WWC2: variants seen among roughly 807,000 people sequenced by gnomAD.
WWC2 encodes protein WWC2.
In WWC2, 101 loss-of-function variants were observed where a neutral mutation model predicts 138.5. That is an observed-to-expected ratio of 0.73 (90% CI 0.62 to 0.86). The LOEUF is 0.86. Among genes scored for constraint, WWC2 ranks in the 40% least tolerant of loss-of-function variants. WWC2 has a pLI of 0.00. For missense variants in WWC2, 1,420 were observed against 1,419.4 expected, an observed-to-expected ratio of 1.00 and a Z score of -0.01; for synonymous variants, 558 against 538.4, an observed-to-expected ratio of 1.04 and a Z score of -0.50.
intron 4 of WWC2, among the ~76,000 whole-genome samples, chr4:183,211,966 C>A (rs888067832): frequency 6.6e-6 from 1 of 152,006 alleles, no homozygotes; most frequent in Non-Finnish European, 1.5e-5. Context: ...GGACTACAGG[C>A]ACCTGCCACC....
chr4:183,207,152 G>T (rs1020303679), intron 2 of WWC2, among the ~76,000 whole-genome samples: 1 of 151,022 alleles, frequency 6.6e-6, no homozygotes, highest in African/African-American at 2.4e-5. Flanking sequence ...GAAATCTACC[G>T]TGCCTGGGTT....
chr4:183,264,711 T>C (rs1458160933), intron 11 of WWC2, among the ~76,000 whole-genome samples: 1 of 152,180 alleles, frequency 6.6e-6, no homozygotes, highest in African/African-American at 2.4e-5. Context: ...TGAGAATTTG[T>C]GTAATTCATC....
At chr4:183,222,112 TTAGTGGTTGC>T (rs2111266943) in intron 4 of WWC2, among the ~76,000 whole-genome samples, 1 of 152,296 alleles carries the variant, frequency 6.6e-6, no homozygotes, top group African/African-American at 2.4e-5. Context: ...CAGTGAAAGT[TTAGTGGTTGC>T]TAGGGGCCAG....
intron 8 of WWC2, among the ~76,000 whole-genome samples, chr4:183,250,474 G>A (rs755405961): frequency 1.3e-5 from 2 of 152,076 alleles, no homozygotes; most frequent in Non-Finnish European, 2.9e-5. Flanking sequence ...GTCGACTTAG[G>A]TTAGGGAAAA....
chr4:183,245,159 G>C (rs557107894), intron 5 of WWC2, among the ~76,000 whole-genome samples: 21 of 149,310 alleles, frequency 1.4e-4, no homozygotes, highest in Admixed American at 1.0e-3. Context: ...CCCAGGAGGC[G>C]TAGTTTGCAG....
At chr4:183,312,300 A>G (rs1739277195) in intron 21 of WWC2, 41 bp from the exon 22 acceptor site, 2 of 1,603,968 alleles carry the variant, frequency 1.2e-6, no homozygotes. Flanking sequence ...ATTTCTAATC[A>G]GTGTTTTGTG....
rs1280437148 is a variant in WWC2 at position 183,320,213 on chromosome 4, A to C, written c.*4484A>C. 6.2e-7 allele frequency: 1 copy of C among 1,612,732 alleles called. No homozygotes were observed. Among genetic ancestry groups the C allele is most frequent in the Non-Finnish European group, 8.5e-7 (1 of 1,179,390 alleles). On this transcript the variant is annotated 3_prime_UTR_variant, in exon 23 of 23. Transcript: ENST00000403733. ...GTTGAGCTACAGTTCTAAATACTAAAGCCATTATAATGTCCTGAGAGCTTT... is the reference window on the plus strand; with the variant it reads ...GTTGAGCTACAGTTCTAAATACTAACGCCATTATAATGTCCTGAGAGCTTT...
intron 1 of WWC2, among the ~76,000 whole-genome samples, chr4:183,110,432 ATTTT>A (rs545128013): frequency 3.4e-5 from 4 of 117,414 alleles, no homozygotes; most frequent in Admixed American, 1.8e-4. Context: ...CTGTAGAGCT[ATTTT>A]TTTTTTTTTT....
At chr4:183,099,799 C>T (rs2152884860) in intron 1 of WWC2, among the ~76,000 whole-genome samples, 177 bp downstream of exon 1, 1 of 151,994 alleles carries the variant, frequency 6.6e-6, no homozygotes, top group East Asian at 2.0e-4. Flanking sequence ...CGGGCTCCTC[C>T]GCCCACCGGC....
intron 21 of WWC2, among the ~76,000 whole-genome samples, chr4:183,293,357 ATTACT>A (rs900638601): frequency 6.6e-6 from 1 of 152,266 alleles, no homozygotes; most frequent in African/African-American, 2.4e-5. Context: ...TATATAATTC[ATTACT>A]TTAACAGATT....
intron 4 of WWC2, among the ~76,000 whole-genome samples, chr4:183,217,715 A>G (rs1204061960): frequency 6.6e-6 from 1 of 152,182 alleles, no homozygotes; most frequent in Non-Finnish European, 1.5e-5. Context: ...ATAGGAATAG[A>G]AACTACCGAA....
At position 183,271,208 on chromosome 4, in the gene WWC2, A is replaced by G. The variant is rs759983042; in HGVS notation, c.2529A>G (p.Gln843=). 1.5e-4 allele frequency: 237 copies of G among 1,612,658 alleles called. 3 individuals carry two copies. In the Admixed American group the frequency reaches 3.8e-3, roughly 26 times the overall value. The change falls in exon 16 of 23, where the codon CAA becomes CAG. Residue 843 remains glutamine, a synonymous_variant. Transcript: ENST00000403733. ...AAGAAAATGAGGACTCTGTATTTCAACCAAACCAGCCGTTAGTAGATTCTA... is the reference window on the plus strand; with the variant it reads ...AAGAAAATGAGGACTCTGTATTTCAGCCAAACCAGCCGTTAGTAGATTCTA... ...KNEENEDSVF[Q]PNQPLVDSID... is the part of the protein sequence containing the mutation.
At chr4:183,221,319 G>A (rs1302114497) in intron 4 of WWC2, among the ~76,000 whole-genome samples, 2 of 152,176 alleles carry the variant, frequency 1.3e-5, no homozygotes, top group African/African-American at 2.4e-5. Context: ...CAACTGCAAG[G>A]TGAAGGACAA....
chr4:183,137,875 G>A (rs1035725866), intron 1 of WWC2, among the ~76,000 whole-genome samples: 5 of 152,212 alleles, frequency 3.3e-5, no homozygotes, highest in East Asian at 1.9e-4. Flanking sequence ...GTGTGATAAC[G>A]CAGACTTGTT....
At chr4:183,257,691 G>A (rs1737191419) in intron 9 of WWC2, among the ~76,000 whole-genome samples, 1 of 152,170 alleles carries the variant, frequency 6.6e-6, no homozygotes, top group African/African-American at 2.4e-5. Context: ...AAGACTTCAG[G>A]CTTTCGCTAG....
chr4:183,271,325 A>G lies in WWC2; in HGVS notation c.2562+84A>G, dbSNP rs1183678719. ...ATATGAAAGTAATATGAAATATGGA[A>G]TGCTACGAGACCAACATGCTTTTAT... On this transcript the variant is annotated intron_variant, in intron 16 of 22. Coordinates refer to ENST00000403733, the MANE Select transcript of WWC2 (RefSeq NM_024949.6). 2.6e-6 allele frequency: 3 copies of G among 1,136,938 alleles called. No individual in the cohort carries two copies. The East Asian group carries it at 8.8e-5, about 33-fold the overall frequency. 70.4% of individuals were successfully genotyped at this position (1,136,938 alleles called of 1,614,324 possible).
At chr4:183,147,006 A>G (rs1449654864) in intron 1 of WWC2, among the ~76,000 whole-genome samples, 1 of 152,216 alleles carries the variant, frequency 6.6e-6, no homozygotes, top group African/African-American at 2.4e-5. Flanking sequence ...TTGTTAAAAT[A>G]GTTTCCTATA....
In WWC2 at chr4:183,113,515, T is replaced by TGTGC. The variant is rs371819502; in HGVS notation, c.131+13894_131+13895insTGCG. 2.5e-3 allele frequency among the ~76,000 whole-genome samples: 312 copies of TGTGC among 126,712 alleles called. 1 individual carries two copies. The highest frequency in any genetic ancestry group is 2.8e-3 in the African/African-American group (92 of 33,302). The allele number at this position is 126,712 out of a possible 152,430, so 83.1% of individuals were successfully genotyped here. A position where few individuals can be genotyped will look rare whatever the true frequency, so the allele number is the denominator to read the frequency against. ...GTGTGTGTGTGTGTGTGTGTGTGTG[T>TGTGC]GCGCGCGCGTGCGCGCGCACATGCA... On this transcript the variant is annotated intron_variant, in intron 1 of 22. Transcript: ENST00000403733.
chr4:183,310,940 A>G (rs1161953825), intron 21 of WWC2, among the ~76,000 whole-genome samples: 1 of 151,770 alleles, frequency 6.6e-6, no homozygotes, highest in East Asian at 1.9e-4. Context: ...GTACTCATTT[A>G]AACTTCACAA....
Sources: gnomAD v4.1 joint callset for allele counts (sites outside exome capture counted in the v4.1 genomes callset) on GRCh38, gnomAD v4.1.1 for gene constraint, MANE v1.5 for transcripts, NCBI Gene and HGNC (gene_info 2026-07-23, HGNC 2026-07-21) for gene names.